Variants in MALRD1 observed in about 807,000 individuals in gnomAD.
MALRD1 encodes MAM and LDL receptor class A domain containing 1, also known as MAM and LDL-receptor class A domain-containing protein 1.
In MALRD1, 247 loss-of-function variants were observed where a neutral mutation model predicts 242.1. The ratio of observed to expected loss-of-function variants is 1.02; its 90% CI spans 0.92 to 1.13. The LOEUF (loss-of-function observed/expected upper bound fraction) is 1.13, where lower values mean the gene tolerates loss of function less well. MALRD1 is among the 50% of genes most tolerant of loss of function. MALRD1 has a pLI of 0.00. For synonymous variants in MALRD1, 995 were observed against 866.6 expected (o/e 1.15, Z -2.60); for missense variants, 2,989 against 2,533.1 (o/e 1.18, Z -3.86).
chr10:19,649,314 G>A (rs1564515088), intron 36 of MALRD1, among the ~76,000 whole-genome samples: 1 of 152,148 alleles, frequency 6.6e-6, no homozygotes, highest in Non-Finnish European at 1.5e-5. Context: ...AATCACCACA[G>A]TGCTTTCCAG....
At chr10:19,214,998 A>C (rs1837246545) in intron 18 of MALRD1, among the ~76,000 whole-genome samples, 1 of 152,214 alleles carries the variant, frequency 6.6e-6, no homozygotes, top group Non-Finnish European at 1.5e-5. Context: ...CCACAAAGTC[A>C]ACAAGCAAAA....
intron 4 of MALRD1, among the ~76,000 whole-genome samples, chr10:19,100,170 C>T (rs1836200795): frequency 1.3e-5 from 2 of 152,178 alleles, no homozygotes; most frequent in Non-Finnish European, 1.5e-5. Context: ...TCTAGCTAGA[C>T]TATTTAATTA....
At chr10:19,273,851 A>G (rs1300554764) in intron 19 of MALRD1, among the ~76,000 whole-genome samples, 1 of 152,136 alleles carries the variant, frequency 6.6e-6, no homozygotes, top group African/African-American at 2.4e-5. Flanking sequence ...AAACAAAAAG[A>G]TATGCCAGTG....
At chr10:19,494,414 AG>A (rs1335623836) in intron 30 of MALRD1, among the ~76,000 whole-genome samples, 1 of 152,206 alleles carries the variant, frequency 6.6e-6, no homozygotes, top group Non-Finnish European at 1.5e-5. Flanking sequence ...TTCTCCAGCA[AG>A]GGTTCTTAAT....
chr10:19,454,292 A>G (rs1454770909), intron 29 of MALRD1, among the ~76,000 whole-genome samples: 1 of 151,472 alleles, frequency 6.6e-6, no homozygotes, highest in African/African-American at 2.4e-5. Context: ...ATTTATTTCT[A>G]TAAGGGGGAA....
At chr10:19,532,209 A>G (rs1001717102) in intron 32 of MALRD1, among the ~76,000 whole-genome samples, 10 of 152,188 alleles carry the variant, frequency 6.6e-5, no homozygotes, top group Non-Finnish European at 1.3e-4. Flanking sequence ...AACTTTTTCA[A>G]CATTTCACAG....
intron 29 of MALRD1, among the ~76,000 whole-genome samples, chr10:19,479,250 G>T (rs1319195616): frequency 1.3e-5 from 2 of 152,186 alleles, no homozygotes; most frequent in Admixed American, 1.3e-4. Context: ...AATAGGAAAT[G>T]CACCATTGTA....
At chr10:19,318,361 T>TG (rs1349133738) in intron 21 of MALRD1, among the ~76,000 whole-genome samples, 1 of 151,692 alleles carries the variant, frequency 6.6e-6, no homozygotes, top group African/African-American at 2.4e-5. Flanking sequence ...CTGACATATC[T>TG]CCTTTTTTTT....
intron 25 of MALRD1, among the ~76,000 whole-genome samples, chr10:19,351,463 A>T (rs1264609930): frequency 6.6e-6 from 1 of 152,206 alleles, no homozygotes; most frequent in African/African-American, 2.4e-5. Flanking sequence ...TAAAATTTGG[A>T]TAATTACTGT....
At chr10:19,444,042 G>A (rs956385675) in intron 28 of MALRD1, among the ~76,000 whole-genome samples, 4 of 152,158 alleles carry the variant, frequency 2.6e-5, no homozygotes, top group Admixed American at 6.5e-5. Flanking sequence ...TTGTTGAACT[G>A]ATCCCTTTAT....
intron 14 of MALRD1, among the ~76,000 whole-genome samples, chr10:19,175,635 T>C (rs1275216997): frequency 6.6e-6 from 1 of 151,704 alleles, no homozygotes; most frequent in Non-Finnish European, 1.5e-5. Context: ...TTAAATACAC[T>C]TTTATAAATA....
chr10:19,472,159 C>G (rs750740482), intron 29 of MALRD1, among the ~76,000 whole-genome samples: 9 of 151,998 alleles, frequency 5.9e-5, no homozygotes. Context: ...ATTGAAATGA[C>G]TGTATGATTT....
chr10:19,087,368 A>G (rs1282524996), intron 2 of MALRD1, among the ~76,000 whole-genome samples: 1 of 152,066 alleles, frequency 6.6e-6, no homozygotes, highest in Non-Finnish European at 1.5e-5. Flanking sequence ...TAGCTATGTC[A>G]CTGGGCAACA....
At chr10:19,171,134 T>G (rs1834903613) in intron 13 of MALRD1, among the ~76,000 whole-genome samples, 1 of 151,992 alleles carries the variant, frequency 6.6e-6, no homozygotes, top group Non-Finnish European at 1.5e-5. Flanking sequence ...TTATGAATTT[T>G]TGTGGTTCCT....
chr10:19,161,054 G>A (rs1378312935), intron 12 of MALRD1, among the ~76,000 whole-genome samples: 7 of 148,644 alleles, frequency 4.7e-5, no homozygotes, highest in East Asian at 2.0e-4. Context: ...ACATGCACAC[G>A]TATGTTTATT....
chr10:19,531,208 T>C lies in MALRD1; in HGVS notation c.5335T>C (p.Phe1779Leu). 1 of 1,549,804 alleles carries C rather than the reference T, an allele frequency of 6.5e-7. No individual in the cohort carries two copies. Among genetic ancestry groups the C allele is most frequent in the Admixed American group, 2.0e-5 (1 of 50,912 alleles). The change falls in exon 32 of 40, where the codon TTC becomes CTC. Residue 1779 changes from phenylalanine to leucine, a missense_variant. Physicochemically the swap from Phe to Leu is conservative, Grantham distance 22. Coordinates refer to ENST00000454679, the MANE Select transcript of MALRD1 (RefSeq NM_001142308.3). ...TCTATTTCAAGGTAGTGGTCAGCAC[T>C]TCCTGTACGTCAACTCATCTGGCTC... ...SDHTPGSGQHFLYVNSSGSKE... is the reference protein window; with the variant it reads ...SDHTPGSGQHLLYVNSSGSKE...
At chr10:19,575,342 A>G (rs1469522311) in intron 33 of MALRD1, among the ~76,000 whole-genome samples, 2 of 152,164 alleles carry the variant, frequency 1.3e-5, no homozygotes, top group Non-Finnish European at 2.9e-5. Flanking sequence ...TGCATGTGAC[A>G]TCACTGAAGG....
intron 10 of MALRD1, among the ~76,000 whole-genome samples, chr10:19,138,346 T>G (rs530525419): frequency 6.6e-6 from 1 of 152,182 alleles, no homozygotes; most frequent in African/African-American, 2.4e-5. Context: ...GGGGAAATAT[T>G]TCTTTCTAAC....
At chr10:19,298,547 G>T (rs1035294186) in intron 21 of MALRD1, among the ~76,000 whole-genome samples, 4 of 151,842 alleles carry the variant, frequency 2.6e-5, no homozygotes, top group Non-Finnish European at 5.9e-5. Context: ...ATGAGAGAGA[G>T]ACTATAGGAA....
Sources: gnomAD v4.1 joint callset for allele counts (sites outside exome capture counted in the v4.1 genomes callset) on GRCh38, gnomAD v4.1.1 for gene constraint, MANE v1.5 for transcripts, NCBI Gene and HGNC (gene_info 2026-07-23, HGNC 2026-07-21) for gene names.